The following SGCZ variants were observed in gnomAD, a reference collection of about 807,000 sequenced individuals.
SGCZ encodes the protein sarcoglycan zeta.
Under a neutral mutation model 41.3 loss-of-function variants are expected in SGCZ, and 40 were observed. The ratio of observed to expected loss-of-function variants is 0.97; its 90% CI spans 0.75 to 1.26. The LOEUF is 1.26. Among genes scored for constraint, SGCZ ranks in the 50% most tolerant of loss-of-function variants. The pLI is 0.00. For synonymous variants in SGCZ, 206 were observed against 137.5 expected (o/e 1.50, Z -3.49); for missense variants, 552 against 369.8 (o/e 1.49, Z -4.04).
intron 5 of SGCZ, among the ~76,000 whole-genome samples, chr8:14,158,570 A>G (rs1447374898): frequency 3.3e-5 from 5 of 152,116 alleles, no homozygotes; most frequent in African/African-American, 7.2e-5. Flanking sequence ...CAAGTTGACA[A>G]TATTCACTAT....
intron 1 of SGCZ, among the ~76,000 whole-genome samples, chr8:15,177,209 T>C (rs182665003): frequency 4.0e-4 from 61 of 152,226 alleles, no homozygotes; most frequent in African/African-American, 1.4e-3. Flanking sequence ...CGAACATGCC[T>C]CCAGAATCAA....
At chr8:14,736,092 G>T (rs548853704) in intron 1 of SGCZ, among the ~76,000 whole-genome samples, 1 of 152,210 alleles carries the variant, frequency 6.6e-6, no homozygotes, top group Non-Finnish European at 1.5e-5. Context: ...ACAGATTATA[G>T]ACTATCATAC....
chr8:14,418,522 C>T (rs1393441730), intron 2 of SGCZ, among the ~76,000 whole-genome samples: 1 of 151,800 alleles, frequency 6.6e-6, no homozygotes, highest in African/African-American at 2.4e-5. Flanking sequence ...TATTTTATCA[C>T]GTTTTACTTA....
chr8:14,901,252 A>G lies in SGCZ; in HGVS notation c.39+336333T>C, dbSNP rs78990826. Reference sequence around the variant, plus strand: ...AGCACACTTAAGAAATAATTGCTCCATAAAATCCTGTGATGACTCACTGGT... The same window carrying G: ...AGCACACTTAAGAAATAATTGCTCCGTAAAATCCTGTGATGACTCACTGGT... On this transcript the variant is annotated intron_variant, in intron 1 of 7. Coordinates refer to ENST00000382080, the MANE Select transcript of SGCZ (RefSeq NM_139167.4). Among the ~76,000 whole-genome samples, 2,709 of 152,282 alleles carry G rather than the reference A, an allele frequency of 0.018. 111 individuals carry two copies. In the East Asian group the frequency reaches 0.18, roughly 10 times the overall value.
chr8:15,148,695 G>C (rs1799100009), intron 1 of SGCZ, among the ~76,000 whole-genome samples: 1 of 152,126 alleles, frequency 6.6e-6, no homozygotes, highest in Admixed American at 6.6e-5. Flanking sequence ...AAGTTTCTCA[G>C]GTGACACTGA....
chr8:14,721,612 C>T (rs1809889361), intron 1 of SGCZ, among the ~76,000 whole-genome samples: 1 of 152,204 alleles, frequency 6.6e-6, no homozygotes, highest in Admixed American at 6.5e-5. Flanking sequence ...TGGTCTAAGG[C>T]ACCACCAATT....
intron 2 of SGCZ, among the ~76,000 whole-genome samples, chr8:14,448,336 T>C (rs1224826080): frequency 6.6e-6 from 1 of 152,194 alleles, no homozygotes; most frequent in African/African-American, 2.4e-5. Flanking sequence ...AAGAGATCAA[T>C]TTAACTACAG....
chr8:14,180,813 C>T (rs1804697470), intron 4 of SGCZ, among the ~76,000 whole-genome samples: 1 of 151,994 alleles, frequency 6.6e-6, no homozygotes, highest in South Asian at 2.1e-4. Flanking sequence ...ACCAATGGAT[C>T]TGCCAAGTGG....
intron 1 of SGCZ, among the ~76,000 whole-genome samples, chr8:14,578,244 C>T (rs1804777117): frequency 6.6e-6 from 1 of 152,206 alleles, no homozygotes; most frequent in East Asian, 1.9e-4. Flanking sequence ...CCAGGTGTGA[C>T]ATTTCACCAG....
intron 1 of SGCZ, among the ~76,000 whole-genome samples, chr8:15,093,060 C>G (rs1806209237): frequency 6.6e-6 from 1 of 152,178 alleles, no homozygotes; most frequent in Admixed American, 6.5e-5. Flanking sequence ...AGTCCATTAT[C>G]ATAGAAACAC....
At chr8:14,444,404 A>C (rs1363532819) in intron 2 of SGCZ, among the ~76,000 whole-genome samples, 1 of 152,152 alleles carries the variant, frequency 6.6e-6, no homozygotes, top group Non-Finnish European at 1.5e-5. Flanking sequence ...AAAGACTTGG[A>C]ACCAATCCAA....
intron 3 of SGCZ, among the ~76,000 whole-genome samples, chr8:14,275,137 C>G (rs10098101): frequency 1.3e-5 from 2 of 151,936 alleles, no homozygotes; most frequent in South Asian, 4.1e-4. Context: ...TGGTCAGAGC[C>G]GAAAGCCAGG....
At chr8:14,454,051 T>A (rs191192839) in intron 2 of SGCZ, among the ~76,000 whole-genome samples, 4 of 152,186 alleles carry the variant, frequency 2.6e-5, no homozygotes. Context: ...CAAAAGGATA[T>A]TGACCTTCCA....
At position 14,636,863 on chromosome 8, in the gene SGCZ, CAGA is replaced by C. The variant is rs1167128082; in HGVS notation, c.40-81940_40-81938del. ...AAAAGCGAAAGTCATTATGGAAACT[CAGA>C]AGAATAAAATACTGATGGAAATGTT... On this transcript the variant is annotated intron_variant, in intron 1 of 7. Transcript: ENST00000382080. Among the ~76,000 whole-genome samples, 7 of 151,910 alleles carry C rather than the reference CAGA, an allele frequency of 4.6e-5. No individual in the cohort carries two copies. The East Asian group carries it at 1.4e-3, about 30-fold the overall frequency.
At chr8:14,922,286 T>C (rs959161896) in intron 1 of SGCZ, among the ~76,000 whole-genome samples, 1 of 152,060 alleles carries the variant, frequency 6.6e-6, no homozygotes, top group South Asian at 2.1e-4. Flanking sequence ...ATAAAATATA[T>C]GTGATACTGA....
intron 2 of SGCZ, among the ~76,000 whole-genome samples, chr8:14,509,889 A>G (rs1435022780): frequency 2.0e-5 from 3 of 152,018 alleles, no homozygotes; most frequent in African/African-American, 7.2e-5. Flanking sequence ...ATTTCATGAG[A>G]ACTCACTCAC....
rs71456953 is a variant in SGCZ at position 14,095,644 on chromosome 8, T to C, written c.745-5007A>G. Among the ~76,000 whole-genome samples, 4 of 152,314 alleles carry C rather than the reference T, an allele frequency of 2.6e-5. No individual in the cohort carries two copies. In the South Asian group the frequency reaches 8.3e-4, roughly 32 times the overall value. On this transcript the variant is annotated intron_variant, in intron 7 of 7. Transcript: ENST00000382080. ...GTTTTTTCCAATTCTGTGAAGAATG[T>C]CAATGGCAGCTTGATGGGGATAGCA...
At position 14,212,491 on chromosome 8, in the gene SGCZ, G is replaced by T. The variant is rs1293086673; in HGVS notation, c.424+25101C>A. Among the ~76,000 whole-genome samples, 4 of 126,846 alleles carry T rather than the reference G, an allele frequency of 3.2e-5. No individual in the cohort carries two copies. In the Admixed American group the frequency reaches 3.2e-4, roughly 10 times the overall value. The allele number at this position is 126,846 out of a possible 152,430, so 83.2% of individuals were successfully genotyped here. A position where few individuals can be genotyped will look rare whatever the true frequency, so the allele number is the denominator to read the frequency against. ...ACAAAAAAAAAAAAAAAAAAAAAAA[G>T]TTGCCAGAGCTCAGAAAGCCAAAAA... On this transcript the variant is annotated intron_variant, in intron 4 of 7. Transcript: ENST00000382080.
chr8:14,692,446 A>G (rs1434333320), intron 1 of SGCZ, among the ~76,000 whole-genome samples: 2 of 152,274 alleles, frequency 1.3e-5, no homozygotes, highest in Admixed American at 6.5e-5. Flanking sequence ...CCTACATACT[A>G]TAATACACTA....
Sources: allele counts gnomAD v4.1 joint callset (sites outside exome capture counted in the v4.1 genomes callset), GRCh38; gene constraint gnomAD v4.1.1; transcripts MANE v1.5; gene names NCBI Gene and HGNC (gene_info 2026-07-23, HGNC 2026-07-21).